RAI14: variants seen among roughly 807,000 people sequenced by gnomAD.
RAI14 encodes retinoic acid induced 14, also known as ankycorbin.
RAI14 carries 45 observed loss-of-function variants against 115.4 expected under a neutral mutation model. The ratio of observed to expected loss-of-function variants is 0.39; its 90% CI spans 0.31 to 0.50. RAI14 has a LOEUF of 0.50. Ranked by LOEUF, RAI14 falls within the 20% of genes least tolerant of loss-of-function variation. The pLI, the probability that RAI14 is intolerant of heterozygous loss-of-function variation, is 0.85. For synonymous variants in RAI14, 371 were observed against 415.4 expected (o/e 0.89, Z 1.30); for missense variants, 939 against 1,131.2 (o/e 0.83, Z 2.44).
chr5:34,691,219 A>G (rs761475092), intron 2 of RAI14, among the ~76,000 whole-genome samples: 5 of 152,198 alleles, frequency 3.3e-5, no homozygotes, highest in African/African-American at 4.8e-5. Flanking sequence ...CTCAGTCTCA[A>G]AAATGGCCCT....
intron 12 of RAI14, among the ~76,000 whole-genome samples, chr5:34,816,737 T>C (rs974245416): frequency 6.6e-6 from 1 of 152,194 alleles, no homozygotes; most frequent in Non-Finnish European, 1.5e-5. Flanking sequence ...ACTTTAGACT[T>C]TACTAATAAA....
At chr5:34,807,291 AGAG>A (rs2150245917) in intron 5 of RAI14, among the ~76,000 whole-genome samples, 1 of 152,192 alleles carries the variant, frequency 6.6e-6, no homozygotes, top group South Asian at 2.1e-4. Context: ...GAGGTTGGAG[AGAG>A]GAGGACAGAA....
At chr5:34,660,097 G>A (rs1455763180) in intron 1 of RAI14, among the ~76,000 whole-genome samples, 1 of 152,092 alleles carries the variant, frequency 6.6e-6, no homozygotes, top group African/African-American at 2.4e-5. Flanking sequence ...GATTGCTTGA[G>A]TCCTGGATGT....
At chr5:34,798,636 G>A (rs1307537266) in intron 4 of RAI14, among the ~76,000 whole-genome samples, 4 of 152,058 alleles carry the variant, frequency 2.6e-5, no homozygotes, top group African/African-American at 9.7e-5. Context: ...CACCCTGTGG[G>A]TAGAGCTCAT....
chr5:34,824,185 T>A lies in RAI14; in HGVS notation c.2343T>A (p.Asp781Glu), dbSNP rs756327944. 1 of 1,614,200 alleles carries A rather than the reference T, an allele frequency of 6.2e-7. No homozygotes were observed. Among genetic ancestry groups the A allele is most frequent in the Non-Finnish European group, 8.5e-7 (1 of 1,180,026 alleles). Reference sequence around the variant, plus strand: ...TAGAAGAGAAAGCTGCTATGACTGATGCAATGGTACCTCGGTCTTCCTATG... The same window carrying A: ...TAGAAGAGAAAGCTGCTATGACTGAAGCAATGGTACCTCGGTCTTCCTATG... ...QLLEEKAAMTDAMVPRSSYEK... is the reference protein window; with the variant it reads ...QLLEEKAAMTEAMVPRSSYEK... The change falls in exon 15 of 18, where the codon GAT (aspartate) becomes GAA (glutamate). Residue 781 changes from aspartate (D) to glutamate (E), a missense_variant. Physicochemically the swap from Asp to Glu is conservative, Grantham distance 45. Transcript: ENST00000265109.
chr5:34,711,334 C>A lies in RAI14; in HGVS notation c.36+24379C>A, dbSNP rs1442813784. On this transcript the variant is annotated intron_variant, in intron 2 of 17. Coordinates refer to ENST00000265109, the MANE Select transcript of RAI14 (RefSeq NM_015577.3). Reference sequence around the variant, plus strand: ...GGGGGTGGATCTCACAAAGTACATTCTCAAGGGTGGGGAGAATTACAGAGA... The same window carrying A: ...GGGGGTGGATCTCACAAAGTACATTATCAAGGGTGGGGAGAATTACAGAGA... Among the ~76,000 whole-genome samples the A allele has an allele frequency of 4.0e-5, 6 of 151,438 alleles. No homozygotes were observed. In the East Asian group the frequency reaches 1.2e-3, roughly 29 times the overall value.
rs1484200283 is a variant in RAI14 at position 34,803,594 on chromosome 5, C to A, written c.257-118C>A. ...AACAAACAAACAAAAAAACACAGTTCCGTCTTTTTTGGATAACAACCTATT... is the reference window on the plus strand; with the variant it reads ...AACAAACAAACAAAAAAACACAGTTACGTCTTTTTTGGATAACAACCTATT... On this transcript the variant is annotated intron_variant, in intron 4 of 17. Coordinates refer to ENST00000265109, the MANE Select transcript of RAI14 (RefSeq NM_015577.3). 9.5e-6 allele frequency: 8 copies of A among 844,480 alleles called. No individual in the cohort carries two copies. The African/African-American group carries it at 1.0e-4, about 11-fold the overall frequency. 52.3% of individuals were successfully genotyped at this position (844,480 alleles called of 1,614,324 possible).
At chr5:34,751,114 G>A (rs1348750532) in intron 2 of RAI14, among the ~76,000 whole-genome samples, 2 of 148,288 alleles carry the variant, frequency 1.3e-5, no homozygotes, top group African/African-American at 5.0e-5. Context: ...GCCTCCCAAA[G>A]TGCTGGCATT....
intron 3 of RAI14, among the ~76,000 whole-genome samples, chr5:34,788,250 T>G (rs2150183776): frequency 6.6e-6 from 1 of 152,126 alleles, no homozygotes; most frequent in Admixed American, 6.5e-5. Flanking sequence ...GATAGATAAT[T>G]CATAGTTGTG....
rs1757580115 is a variant in RAI14 at position 34,827,635 on chromosome 5, A to G, written c.2799+1156A>G. 6.6e-6 allele frequency among the ~76,000 whole-genome samples: 1 copy of G among 152,214 alleles called. No homozygotes were observed. The highest frequency in any genetic ancestry group is 2.1e-4 in the South Asian group (1 of 4,832). ...AGCTTTGGAGGAAACAGCTCTAGAA[A>G]TGGTGGATACTTAGGAGAAGCTGCT... On this transcript the variant is annotated intron_variant, in intron 16 of 17. Coordinates refer to ENST00000265109, the MANE Select transcript of RAI14 (RefSeq NM_015577.3). This position sits in a 1 kb window ranked among gnomAD's most constrained non-coding sequence, Gnocchi z 4.2.
At chr5:34,665,198 T>TATATATATATACAC (rs369742853) in intron 1 of RAI14, among the ~76,000 whole-genome samples, 1,561 of 75,706 alleles carry the variant, frequency 0.021, 466 homozygotes, top group African/African-American at 0.074. Flanking sequence ...TGTATATATA[T>TATATATATATACAC]ACACACACCA....
intron 1 of RAI14, among the ~76,000 whole-genome samples, chr5:34,676,462 C>T (rs1743981146): frequency 6.6e-6 from 1 of 152,062 alleles, no homozygotes. Flanking sequence ...TTTTATATTC[C>T]AGAGGTAGCT....
intron 2 of RAI14, among the ~76,000 whole-genome samples, chr5:34,736,875 C>T (rs1272296070): frequency 3.9e-5 from 6 of 152,198 alleles, no homozygotes; most frequent in Admixed American, 3.9e-4. Flanking sequence ...CAGGAATCCC[C>T]AGTCCCTGGG....
Position 34,827,350 on chromosome 5 carries a change from A to ACATT in RAI14, c.2799+874_2799+877dup, listed in dbSNP as rs769674275. 6.6e-6 allele frequency among the ~76,000 whole-genome samples: 1 copy of ACATT among 152,178 alleles called. No individual in the cohort carries two copies. The highest frequency in any genetic ancestry group is 1.5e-5 in the Non-Finnish European group (1 of 68,042). On this transcript the variant is annotated intron_variant, in intron 16 of 17. Coordinates refer to ENST00000265109, the MANE Select transcript of RAI14 (RefSeq NM_015577.3). The surrounding 1 kb of genome is among the most constrained non-coding windows in gnomAD (Gnocchi z 4.2). ...GATGCCTTTTGCCATATAAAGTTTA[A>ACATT]CATTCACAGGTTCTGGGGATTAGGA... is the stretch of plus-strand genomic sequence containing the variant.
At chr5:34,794,627 G>C (rs967477828) in intron 3 of RAI14, among the ~76,000 whole-genome samples, 4 of 152,188 alleles carry the variant, frequency 2.6e-5, no homozygotes, top group African/African-American at 9.7e-5. Context: ...GGAACCATTA[G>C]AAATTATTTG....
intron 15 of RAI14, among the ~76,000 whole-genome samples, chr5:34,825,348 C>T (rs986737258): frequency 2.0e-5 from 3 of 152,192 alleles, no homozygotes. Context: ...TATATCTGTC[C>T]TTTAAAAATC....
intron 4 of RAI14, among the ~76,000 whole-genome samples, chr5:34,798,250 G>C (rs1753773998): frequency 6.6e-6 from 1 of 151,956 alleles, no homozygotes; most frequent in East Asian, 1.9e-4. Context: ...TCTTGGCCAG[G>C]CTGGTCTTGA....
intron 16 of RAI14, among the ~76,000 whole-genome samples, chr5:34,829,132 TACATATATACAC>T (rs1431037459): frequency 3.2e-5 from 3 of 94,530 alleles, no homozygotes; most frequent in African/African-American, 7.5e-5. Flanking sequence ...CACACATATA[TACATATATACAC>T]ACATATATAG....
At chr5:34,744,118 T>A (rs1019426725) in intron 2 of RAI14, among the ~76,000 whole-genome samples, 3 of 152,234 alleles carry the variant, frequency 2.0e-5, no homozygotes, top group Non-Finnish European at 4.4e-5. Flanking sequence ...CTCAGACACA[T>A]GCCAGGAATA....
Sources: allele counts gnomAD v4.1 joint callset (sites outside exome capture counted in the v4.1 genomes callset), GRCh38; gene constraint gnomAD v4.1.1; non-coding constraint Gnocchi (gnomAD v3.1); transcripts MANE v1.5; gene names NCBI Gene and HGNC (gene_info 2026-07-23, HGNC 2026-07-21).